Variants in ZNF521 observed in about 807,000 individuals in gnomAD.
ZNF521 encodes zinc finger protein 521, also known as LYST-interacting protein 3.
Under a neutral mutation model 105.5 loss-of-function variants are expected in ZNF521, and 14 were observed. That is an observed-to-expected ratio of 0.13 (90% CI 0.09 to 0.21). The LOEUF is 0.21. Among genes scored for constraint, ZNF521 ranks in the 10% least tolerant of loss-of-function variants. The pLI, the probability that ZNF521 is intolerant of heterozygous loss-of-function variation, is 1.00. For missense variants in ZNF521, 1,233 were observed against 1,629.7 expected, an observed-to-expected ratio of 0.76 and a Z score of 4.19; for synonymous variants, 635 against 606.0, an observed-to-expected ratio of 1.05 and a Z score of -0.70.
At chr18:25,283,923 C>T (rs12607400) in intron 3 of ZNF521, among the ~76,000 whole-genome samples, 13,316 of 100,706 alleles carry the variant, frequency 0.13, 1,412 homozygotes, top group African/African-American at 0.37. Context: ...CCAATACTTT[C>T]CCCCCCCCCC....
chr18:25,222,546 A>G (rs967905224), intron 4 of ZNF521, among the ~76,000 whole-genome samples: 1 of 152,240 alleles, frequency 6.6e-6, no homozygotes, highest in African/African-American at 2.4e-5. Context: ...TGCACAAGCA[A>G]CACCAAAATC....
intron 5 of ZNF521, among the ~76,000 whole-genome samples, chr18:25,186,308 C>A (rs2035721488): frequency 6.6e-6 from 1 of 152,114 alleles, no homozygotes; most frequent in African/African-American, 2.4e-5. Flanking sequence ...TGGATATTAA[C>A]CAGAACATAC....
intron 3 of ZNF521, among the ~76,000 whole-genome samples, chr18:25,239,254 G>A (rs1907137502): frequency 6.6e-6 from 1 of 152,150 alleles, no homozygotes; most frequent in South Asian, 2.1e-4. Context: ...CTCTCTGTAA[G>A]AGCGTTGGCA....
At chr18:25,243,064 C>G (rs975541812) in intron 3 of ZNF521, among the ~76,000 whole-genome samples, 4 of 152,168 alleles carry the variant, frequency 2.6e-5, no homozygotes, top group Admixed American at 2.6e-4. Flanking sequence ...CTGCCTTTCT[C>G]AACAGAGTTT....
intron 5 of ZNF521, among the ~76,000 whole-genome samples, chr18:25,136,344 A>T (rs1199490800): frequency 6.6e-6 from 1 of 152,156 alleles, no homozygotes; most frequent in Non-Finnish European, 1.5e-5. Context: ...CAACTCTTTC[A>T]CATTTCAGGT....
intron 5 of ZNF521, among the ~76,000 whole-genome samples, chr18:25,129,592 G>A (rs753982772): frequency 5.9e-5 from 9 of 151,774 alleles, no homozygotes; most frequent in Admixed American, 1.3e-4. Flanking sequence ...GTCTGATAAA[G>A]GACTTGTATC....
intron 2 of ZNF521, among the ~76,000 whole-genome samples, chr18:25,323,269 C>T (rs535411750): frequency 1.6e-3 from 242 of 152,116 alleles, no homozygotes; most frequent in Non-Finnish European, 2.6e-3. Context: ...TTTCTATTTT[C>T]TATAAGGCCT....
At chr18:25,335,444 C>T (rs1318921540) in intron 2 of ZNF521, among the ~76,000 whole-genome samples, 1 of 152,176 alleles carries the variant, frequency 6.6e-6, no homozygotes, top group Non-Finnish European at 1.5e-5. Context: ...AACCAGATGT[C>T]CATCCCCAGC....
At chr18:25,074,064 ACGCGTGTGTGCGTG>A in intron 7 of ZNF521, among the ~76,000 whole-genome samples, 1 of 117,878 alleles carries the variant, frequency 8.5e-6, no homozygotes, top group African/African-American at 3.1e-5. Context: ...ATGTGTGCGC[ACGCGTGTGTGCGTG>A]CGTGTGTGCA....
intron 2 of ZNF521, among the ~76,000 whole-genome samples, chr18:25,334,255 G>A (rs1465878880): frequency 6.6e-6 from 1 of 152,192 alleles, no homozygotes; most frequent in African/African-American, 2.4e-5. Context: ...AGTAGAAAAG[G>A]AGAGGGAACT....
At chr18:25,155,741 G>A (rs923438787) in intron 5 of ZNF521, among the ~76,000 whole-genome samples, 3 of 152,068 alleles carry the variant, frequency 2.0e-5, no homozygotes, top group African/African-American at 7.2e-5. Flanking sequence ...ATGTTTGGAT[G>A]TATGAACAAA....
At chr18:25,243,798 A>G (rs1907514037) in intron 3 of ZNF521, among the ~76,000 whole-genome samples, 1 of 152,174 alleles carries the variant, frequency 6.6e-6, no homozygotes. Context: ...AATAAGTTCT[A>G]ATTAATGTAA....
intron 5 of ZNF521, among the ~76,000 whole-genome samples, chr18:25,123,000 T>C (rs2034471767): frequency 6.6e-6 from 1 of 152,122 alleles, no homozygotes; most frequent in Non-Finnish European, 1.5e-5. Context: ...GATGAGATTC[T>C]ATCTGCTTCT....
intron 3 of ZNF521, 25 bp downstream of exon 3, chr18:25,321,983 C>A (rs1163544951): frequency 6.2e-7 from 1 of 1,606,282 alleles, no homozygotes; most frequent in Non-Finnish European, 8.5e-7. Context: ...TACAAGAAGA[C>A]AAAAAAGTGA....
rs1206994156 is a variant in ZNF521 at position 25,352,030 on chromosome 18, G to A, written c.-27C>T. On this transcript the variant is annotated 5_prime_UTR_variant, in exon 1 of 8. Coordinates refer to ENST00000361524, the MANE Select transcript of ZNF521 (RefSeq NM_015461.3). The stretch of plus-strand genomic sequence containing the variant: ...CTGCAAGGTCTTGGACTGCGCTGTC[G>A]CTCCGGTAGTCCACATAATAATGGA... The A allele has an allele frequency of 4.1e-6, 2 of 484,570 alleles. No homozygotes were observed. The highest frequency in any genetic ancestry group is 2.0e-5 in the African/African-American group (1 of 50,384). The allele number at this position is 484,570 out of a possible 1,614,324, so 30.0% of individuals were successfully genotyped here.
chr18:25,073,603 G>A (rs1046156541), intron 7 of ZNF521, among the ~76,000 whole-genome samples: 39 of 152,310 alleles, frequency 2.6e-4, no homozygotes, highest in African/African-American at 8.9e-4. Context: ...AGCACAGGGC[G>A]TTGTAATTTA....
chr18:25,139,866 C>A (rs76403390), intron 5 of ZNF521, among the ~76,000 whole-genome samples: 1 of 151,996 alleles, frequency 6.6e-6, no homozygotes, highest in Non-Finnish European at 1.5e-5. Context: ...GAGATTGGAG[C>A]CCTCACAAAT....
At chr18:25,175,741 A>C (rs1002445905) in intron 5 of ZNF521, among the ~76,000 whole-genome samples, 1 of 152,262 alleles carries the variant, frequency 6.6e-6, no homozygotes, top group Non-Finnish European at 1.5e-5. Flanking sequence ...ATACTGTCAC[A>C]CAATCAAATG....
At chr18:25,311,752 A>T (rs770772415) in intron 3 of ZNF521, among the ~76,000 whole-genome samples, 3 of 152,186 alleles carry the variant, frequency 2.0e-5, no homozygotes, top group Non-Finnish European at 4.4e-5. Context: ...TTTATTTACA[A>T]TTTTTGGCAA....
Sources: allele counts gnomAD v4.1 joint callset (sites outside exome capture counted in the v4.1 genomes callset), GRCh38; gene constraint gnomAD v4.1.1; transcripts MANE v1.5; gene names NCBI Gene and HGNC (gene_info 2026-07-23, HGNC 2026-07-21).